Variants in CCDC171 observed in about 807,000 individuals in gnomAD.
CCDC171 encodes coiled-coil domain containing 171, also known as coiled-coil domain-containing protein 171.
In CCDC171, 177 loss-of-function variants were observed where a neutral mutation model predicts 168.2. That is an observed-to-expected ratio of 1.05 (90% CI 0.93 to 1.19). The LOEUF is 1.19. Among genes scored for constraint, CCDC171 ranks in the 50% most tolerant of loss-of-function variants. CCDC171 has a pLI of 0.00. For synonymous variants in CCDC171, 687 were observed against 540.8 expected (o/e 1.27, Z -3.75); for missense variants, 1,991 against 1,539.0 (o/e 1.29, Z -4.91).
At chr9:16,091,139 C>T in the CCDC171 span, among the ~76,000 whole-genome samples, 86 of 152,310 alleles carry the variant, frequency 5.6e-4, no homozygotes, top group Non-Finnish European at 1.0e-3. Context: ...CTGCCTGGAG[C>T]TGCCTGATTA....
chr9:15,650,328 A>G (rs1202876235), intron 7 of CCDC171, among the ~76,000 whole-genome samples: 1 of 152,192 alleles, frequency 6.6e-6, no homozygotes, highest in East Asian at 1.9e-4. Flanking sequence ...CAGCACACCA[A>G]CATGGCACGT....
intron 7 of CCDC171, among the ~76,000 whole-genome samples, chr9:15,653,161 TG>T (rs200730803): frequency 0.013 from 1,959 of 152,306 alleles, 33 homozygotes; most frequent in African/African-American, 0.043. Flanking sequence ...TATTTTTAGC[TG>T]GGGTCTCGTT....
At chr9:16,005,535 CTG>C (rs528108978) in intron 3 of CCDC171, among the ~76,000 whole-genome samples, 1 of 152,124 alleles carries the variant, frequency 6.6e-6, no homozygotes, top group Non-Finnish European at 1.5e-5. Context: ...GGTTCTACGT[CTG>C]TGGATTCATG....
chr9:15,862,836 A>C (rs1365228988), intron 23 of CCDC171, among the ~76,000 whole-genome samples: 1 of 152,038 alleles, frequency 6.6e-6, no homozygotes, highest in Non-Finnish European at 1.5e-5. Context: ...AGTATGCCTC[A>C]TCAGTACTTT....
chr9:15,563,139 CT>C (rs570575976), intron 1 of CCDC171, among the ~76,000 whole-genome samples: 375 of 136,632 alleles, frequency 2.7e-3, no homozygotes, highest in Admixed American at 2.9e-3. Context: ...CAAGTTACTT[CT>C]TTTTTTTTTT....
intron 6 of CCDC171, among the ~76,000 whole-genome samples, chr9:16,031,171 A>G (rs1295852672): frequency 6.6e-6 from 1 of 152,198 alleles, no homozygotes; most frequent in Non-Finnish European, 1.5e-5. Context: ...AGGAGCATTC[A>G]TTTGAAAATA....
chr9:15,571,837 TG>T, intron 3 of CCDC171, 78 bp downstream of exon 3: 1 of 1,291,778 alleles, frequency 7.7e-7, no homozygotes, highest in East Asian at 2.5e-5. Context: ...AAAAACTCCA[TG>T]TTTAACCTTT....
intron 11 of CCDC171, among the ~76,000 whole-genome samples, chr9:15,715,662 T>C (rs1289239856): frequency 6.6e-6 from 1 of 152,230 alleles, no homozygotes; most frequent in Non-Finnish European, 1.5e-5. Context: ...TCTCCCTCCA[T>C]TATTTCTTAC....
chr9:16,038,881 A>G (rs72710747), upstream of CCDC171, among the ~76,000 whole-genome samples: 130 of 135,068 alleles, frequency 9.6e-4, no homozygotes, highest in East Asian at 2.2e-3. Flanking sequence ...AAAAAAAAAA[A>G]AAAGCTGAAT....
At chr9:15,953,386 G>A (rs12684422) in intron 25 of CCDC171, among the ~76,000 whole-genome samples, 2 of 152,224 alleles carry the variant, frequency 1.3e-5, no homozygotes, top group African/African-American at 2.4e-5. Flanking sequence ...TTTTAAATTA[G>A]GAAGCAGTAT....
chr9:15,848,869 C>T (rs201258378), intron 22 of CCDC171, 24 bp from the exon 23 acceptor site: 36 of 1,430,144 alleles, frequency 2.5e-5, no homozygotes, highest in Non-Finnish European at 3.3e-5. Flanking sequence ...GTTTTACTAA[C>T]ACTTAATCTT....
chr9:15,865,170 T>A (rs2061722604), intron 23 of CCDC171, among the ~76,000 whole-genome samples: 1 of 152,040 alleles, frequency 6.6e-6, no homozygotes, highest in South Asian at 2.1e-4. Flanking sequence ...CACAGGAGTT[T>A]TTGCTGACAT....
At chr9:15,573,356 A>T (rs1220163290) in intron 3 of CCDC171, among the ~76,000 whole-genome samples, 1 of 152,178 alleles carries the variant, frequency 6.6e-6, no homozygotes, top group East Asian at 1.9e-4. Flanking sequence ...GCTCACTGCA[A>T]CCACTGCCTC....
chr9:15,636,701 G>C (rs1378541444), intron 7 of CCDC171, among the ~76,000 whole-genome samples: 2 of 138,408 alleles, frequency 1.4e-5, no homozygotes, highest in South Asian at 4.8e-4. Context: ...AGTGAGCTGT[G>C]ATCGTGCTGC....
chr9:16,056,408 T>G (rs1833841443), intron 1 of CCDC171, among the ~76,000 whole-genome samples: 1 of 152,250 alleles, frequency 6.6e-6, no homozygotes, highest in South Asian at 2.1e-4. Flanking sequence ...TAAGTAATTG[T>G]TAATTTAAAT....
chr9:15,629,881 T>C (rs1434494737), intron 7 of CCDC171, among the ~76,000 whole-genome samples: 1 of 152,162 alleles, frequency 6.6e-6, no homozygotes, highest in Non-Finnish European at 1.5e-5. Context: ...TTCAACATTC[T>C]TAAAGAAAAA....
At chr9:15,610,658 A>T (rs1587396475) in intron 6 of CCDC171, among the ~76,000 whole-genome samples, 1 of 151,260 alleles carries the variant, frequency 6.6e-6, no homozygotes, top group African/African-American at 2.4e-5. Context: ...CCTGGTCCCA[A>T]GCCATCTTCC....
At chr9:15,616,573 C>G (rs1224267983) in intron 6 of CCDC171, among the ~76,000 whole-genome samples, 2 of 151,858 alleles carry the variant, frequency 1.3e-5, no homozygotes, top group African/African-American at 4.8e-5. Flanking sequence ...ATGTAAATTG[C>G]TATTTATTTA....
chr9:16,089,336 A>G, the CCDC171 span, among the ~76,000 whole-genome samples: 9 of 151,996 alleles, frequency 5.9e-5, no homozygotes, highest in African/African-American at 2.2e-4. Context: ...TTGCCTGTTC[A>G]CTCTGATGGT....
Sources: gnomAD v4.1 joint callset for allele counts (sites outside exome capture counted in the v4.1 genomes callset) on GRCh38, gnomAD v4.1.1 for gene constraint, MANE v1.5 for transcripts, NCBI Gene and HGNC (gene_info 2026-07-23, HGNC 2026-07-21) for gene names.